The following GNG4 variants were observed in gnomAD, a reference collection of about 807,000 sequenced individuals.
The protein encoded by GNG4 is guanine nucleotide-binding protein G(I)/G(S)/G(O) subunit gamma-4.
Under a neutral mutation model 5.8 loss-of-function variants are expected in GNG4, and 4 were observed. The ratio of observed to expected loss-of-function variants is 0.69; its 90% CI spans 0.34 to 1.57. The LOEUF (loss-of-function observed/expected upper bound fraction) is 1.57, where lower values mean the gene tolerates loss of function less well. GNG4 is among the 40% of genes most tolerant of loss of function. The pLI is 0.06. For missense variants in GNG4, 96 were observed against 95.1 expected, an observed-to-expected ratio of 1.01 and a Z score of -0.04; for synonymous variants, 29 against 32.9, an observed-to-expected ratio of 0.88 and a Z score of 0.41.
chr1:235,628,743 C>T (rs1046627196), intron 1 of GNG4, among the ~76,000 whole-genome samples: 1 of 152,220 alleles, frequency 6.6e-6, no homozygotes, highest in African/African-American at 2.4e-5. Context: ...AGACTCGCAT[C>T]AGCCCTATTC....
rs570790664 is a variant in GNG4 at position 235,552,021 on chromosome 1, G to A, written c.*88C>T. Reference sequence around the variant, plus strand: ...TGTTGGCTGGGCAGGGATGGGTGTTGGTCTCACTCCCTAAGGCTTAGAGCA... The same window carrying A: ...TGTTGGCTGGGCAGGGATGGGTGTTAGTCTCACTCCCTAAGGCTTAGAGCA... On this transcript the variant is annotated 3_prime_UTR_variant, in exon 4 of 4. Transcript: ENST00000391854. 2.6e-6 allele frequency: 3 copies of A among 1,167,886 alleles called. No individual in the cohort carries two copies. The South Asian group carries it at 3.9e-5, about 15-fold the overall frequency. 72.3% of individuals were successfully genotyped at this position (1,167,886 alleles called of 1,614,324 possible).
chr1:235,587,187 G>C (rs1039443097), intron 2 of GNG4, among the ~76,000 whole-genome samples: 5 of 148,298 alleles, frequency 3.4e-5, no homozygotes, highest in Non-Finnish European at 7.4e-5. Context: ...GTGGGGGTGA[G>C]TGTGTGTGAC....
chr1:235,629,243 G>A (rs1688886527), intron 1 of GNG4, among the ~76,000 whole-genome samples: 1 of 151,516 alleles, frequency 6.6e-6, no homozygotes, highest in African/African-American at 2.4e-5. Context: ...TTAAATAACT[G>A]GCTTCAAGCC....
chr1:235,608,700 T>G (rs1372502458), intron 1 of GNG4, among the ~76,000 whole-genome samples: 1 of 132,526 alleles, frequency 7.5e-6, no homozygotes, highest in African/African-American at 3.1e-5. Context: ...TTTTTTTTTT[T>G]TGAGACGGAG....
intron 2 of GNG4, among the ~76,000 whole-genome samples, chr1:235,592,124 C>G (rs73120714): frequency 1.3e-5 from 2 of 152,154 alleles, no homozygotes; most frequent in East Asian, 3.8e-4. Context: ...TTCAGAAACC[C>G]GGCCCCCTAC....
chr1:235,606,384 A>G (rs1057278814), intron 1 of GNG4, among the ~76,000 whole-genome samples: 2 of 152,160 alleles, frequency 1.3e-5, no homozygotes, highest in African/African-American at 2.4e-5. Flanking sequence ...TCCGTCTTAA[A>G]AAAAAGAAAA....
chr1:235,551,562 A>C lies in GNG4; in HGVS notation c.*547T>G, dbSNP rs497263. The C allele has an allele frequency of 0.56, 63,162 of 113,026 alleles. 13,683 individuals are homozygous for C. The highest frequency in any genetic ancestry group is 0.65 in the African/African-American group (20,128 of 30,830). The allele number at this position is 113,026 out of a possible 1,614,324, so 7.0% of individuals were successfully genotyped here. A position where few individuals can be genotyped will look rare whatever the true frequency, so the allele number is the denominator to read the frequency against. The stretch of plus-strand genomic sequence containing the variant: ...CATCTCAAAACAACAACAACAACAA[A>C]AAAAAAACAAAAGAAAACCATTCCA... On this transcript the variant is annotated 3_prime_UTR_variant, in exon 4 of 4. Coordinates refer to ENST00000391854, the MANE Select transcript of GNG4 (RefSeq NM_001098722.2).
chr1:235,575,193 G>A (rs985495892), intron 3 of GNG4, among the ~76,000 whole-genome samples: 5 of 152,150 alleles, frequency 3.3e-5, no homozygotes, highest in African/African-American at 4.8e-5. Flanking sequence ...GGTCCCTGAC[G>A]TACGATGGTC....
intron 1 of GNG4, chr1:235,614,832 T>A (rs1271116611): frequency 6.6e-6 from 1 of 152,310 alleles, no homozygotes. Flanking sequence ...CAGCTGAATC[T>A]GGATGTGGCA....
intron 3 of GNG4, among the ~76,000 whole-genome samples, chr1:235,568,772 G>A (rs1687265118): frequency 6.7e-6 from 1 of 149,162 alleles, no homozygotes; most frequent in South Asian, 2.1e-4. Context: ...GACAACTCTG[G>A]ACCTCTTTTC....
At chr1:235,621,757 G>T (rs1571918005) in intron 1 of GNG4, among the ~76,000 whole-genome samples, 1 of 151,572 alleles carries the variant, frequency 6.6e-6, no homozygotes, top group Middle Eastern at 3.4e-3. Flanking sequence ...GCTCACTGCA[G>T]CTTTGACCTC....
chr1:235,645,279 C>T (rs1657473542), intron 1 of GNG4, among the ~76,000 whole-genome samples: 1 of 152,182 alleles, frequency 6.6e-6, no homozygotes, highest in South Asian at 2.1e-4. Context: ...CCTGCCCTGC[C>T]CTGCCTCCCA....
chr1:235,562,777 T>G (rs920906309), intron 3 of GNG4, among the ~76,000 whole-genome samples: 1 of 152,070 alleles, frequency 6.6e-6, no homozygotes, highest in Non-Finnish European at 1.5e-5. Flanking sequence ...TGAGTCTTCT[T>G]ATCCATGAAC....
intron 3 of GNG4, among the ~76,000 whole-genome samples, chr1:235,571,994 C>T (rs746338205): frequency 1.3e-5 from 2 of 151,634 alleles, no homozygotes; most frequent in Admixed American, 6.6e-5. Flanking sequence ...GCACCACATC[C>T]AGCTTACTTT....
At chr1:235,584,329 C>A (rs1358261567) in intron 2 of GNG4, among the ~76,000 whole-genome samples, 2 of 152,196 alleles carry the variant, frequency 1.3e-5, no homozygotes, top group Non-Finnish European at 2.9e-5. Context: ...GATCCTACAG[C>A]CAACATTTGT....
At chr1:235,565,680 C>T (rs1204265386) in intron 3 of GNG4, 1 of 152,262 alleles carries the variant, frequency 6.6e-6, no homozygotes, top group African/African-American at 2.4e-5. Flanking sequence ...GTCTGGCAAA[C>T]ATAGCGAGAC....
intron 1 of GNG4, chr1:235,616,319 A>C: frequency 6.8e-6 from 3 of 440,122 alleles, no homozygotes; most frequent in Middle Eastern, 5.5e-4. Flanking sequence ...CCCCTTTGTC[A>C]TTCAGAACCT....
At chr1:235,574,322 G>A (rs1687424421) in intron 3 of GNG4, among the ~76,000 whole-genome samples, 1 of 152,130 alleles carries the variant, frequency 6.6e-6, no homozygotes, top group African/African-American at 2.4e-5. Context: ...AGTGAGCCAA[G>A]GTCACGCCAC....
At position 235,552,079 on chromosome 1, in the gene GNG4, G is replaced by C. The variant is rs1558469790; in HGVS notation, c.*30C>G. ...TCTCTACAGGGGACTTTGAAGGTCA[G>C]AAAAGGAGGCGTTTTCATCACACAC... On this transcript the variant is annotated 3_prime_UTR_variant, in exon 4 of 4. Coordinates refer to ENST00000391854, the MANE Select transcript of GNG4 (RefSeq NM_001098722.2). 7 of 1,611,166 alleles carry C rather than the reference G, an allele frequency of 4.3e-6. No homozygotes were observed. In the South Asian group the frequency reaches 7.7e-5, roughly 18 times the overall value.
Sources: allele counts gnomAD v4.1 joint callset (sites outside exome capture counted in the v4.1 genomes callset), GRCh38; gene constraint gnomAD v4.1.1; transcripts MANE v1.5; gene names NCBI Gene and HGNC (gene_info 2026-07-23, HGNC 2026-07-21).